Variants in SLC25A48 observed in about 807,000 individuals in gnomAD.
SLC25A48 encodes CTC-321K16.1.
Under a neutral mutation model 32.2 loss-of-function variants are expected in SLC25A48, and 29 were observed. That is an observed-to-expected ratio of 0.90 (90% CI 0.67 to 1.23). SLC25A48 has a LOEUF of 1.23. Among genes scored for constraint, SLC25A48 ranks in the 50% most tolerant of loss-of-function variants. SLC25A48 has a pLI of 0.00. For synonymous variants in SLC25A48, 164 were observed against 172.3 expected, an observed-to-expected ratio of 0.95 and a Z score of 0.38; for missense variants, 399 against 422.7, an observed-to-expected ratio of 0.94 and a Z score of 0.49.
At chr5:135,848,811 G>A (rs1019457674) in intron 2 of SLC25A48, among the ~76,000 whole-genome samples, 1 of 152,168 alleles carries the variant, frequency 6.6e-6, no homozygotes, top group Non-Finnish European at 1.5e-5. Flanking sequence ...TGAACAGGGT[G>A]ATACTATTTC....
At chr5:135,704,937 T>G (rs1259920004) in intron 3 of SLC25A48, among the ~76,000 whole-genome samples, 1 of 152,172 alleles carries the variant, frequency 6.6e-6, no homozygotes, top group African/African-American at 2.4e-5. Context: ...TGACTGCCAT[T>G]CAGGTGTTGG....
chr5:135,675,632 ATG>A, intron 3 of SLC25A48, among the ~76,000 whole-genome samples: 1 of 151,866 alleles, frequency 6.6e-6, no homozygotes, highest in Non-Finnish European at 1.5e-5. Flanking sequence ...AAGTCAGGTG[ATG>A]TGATGCCTCC....
chr5:135,657,747 A>G (rs770729629), intron 3 of SLC25A48, among the ~76,000 whole-genome samples: 1 of 152,218 alleles, frequency 6.6e-6, no homozygotes, highest in Admixed American at 6.5e-5. Flanking sequence ...TGCATTTGCC[A>G]TGAGCAGGTT....
At chr5:135,732,367 G>A (rs889578780) in intron 3 of SLC25A48, among the ~76,000 whole-genome samples, 4 of 152,160 alleles carry the variant, frequency 2.6e-5, no homozygotes, top group Admixed American at 1.3e-4. Context: ...AAATGACCAC[G>A]GTGGCCTTCT....
chr5:135,886,305 C>T (rs1762710731), intron 7 of SLC25A48, among the ~76,000 whole-genome samples: 1 of 132,150 alleles, frequency 7.6e-6, no homozygotes, highest in African/African-American at 2.8e-5. Flanking sequence ...CACACCCCCT[C>T]CCCCCGCCCT....
intron 3 of SLC25A48, among the ~76,000 whole-genome samples, chr5:135,774,422 G>T (rs929456571): frequency 8.6e-5 from 13 of 151,598 alleles, no homozygotes; most frequent in Admixed American, 5.3e-4. Context: ...TCCCAATATC[G>T]CAGAGGGTGT....
intron 2 of SLC25A48, among the ~76,000 whole-genome samples, chr5:135,849,315 G>T (rs778151617): frequency 1.1e-4 from 16 of 152,174 alleles, no homozygotes; most frequent in Non-Finnish European, 1.9e-4. Context: ...CTCTTTGGTG[G>T]TCTCATGGCT....
At chr5:135,613,714 A>G (rs994755891) in intron 1 of SLC25A48, among the ~76,000 whole-genome samples, 9 of 152,284 alleles carry the variant, frequency 5.9e-5, no homozygotes, top group African/African-American at 1.9e-4. Flanking sequence ...TCCCCAGTGT[A>G]TGCCCTTGGC....
At chr5:135,701,345 T>G (rs1447798638) in intron 3 of SLC25A48, among the ~76,000 whole-genome samples, 4 of 151,962 alleles carry the variant, frequency 2.6e-5, no homozygotes, top group African/African-American at 9.7e-5. Flanking sequence ...TCTTGGGAGT[T>G]TTTTTCTGAT....
At chr5:135,856,834 A>T (rs1160368199) in intron 4 of SLC25A48, among the ~76,000 whole-genome samples, 1 of 152,250 alleles carries the variant, frequency 6.6e-6, no homozygotes, top group Non-Finnish European at 1.5e-5. Context: ...CTGAGAACCC[A>T]GGCATCCAGG....
At chr5:135,749,611 G>A (rs1297921349) in intron 3 of SLC25A48, among the ~76,000 whole-genome samples, 5 of 151,842 alleles carry the variant, frequency 3.3e-5, no homozygotes, top group African/African-American at 9.7e-5. Flanking sequence ...GTGGGGGTGC[G>A]ATGGAGTTTC....
chr5:135,631,123 A>G (rs943178406), intron 2 of SLC25A48, among the ~76,000 whole-genome samples: 2 of 152,194 alleles, frequency 1.3e-5, no homozygotes, highest in African/African-American at 4.8e-5. Context: ...CTTTGGAGAA[A>G]TAGACAGTTT....
At chr5:135,808,422 TTGTTGA>T (rs1242753968) in intron 3 of SLC25A48, among the ~76,000 whole-genome samples, 1 of 152,132 alleles carries the variant, frequency 6.6e-6, no homozygotes, top group East Asian at 1.9e-4. Flanking sequence ...CACTTTATAC[TTGTTGA>T]TGTTACACAA....
chr5:135,791,361 A>T (rs879911579), intron 3 of SLC25A48, among the ~76,000 whole-genome samples: 1 of 151,398 alleles, frequency 6.6e-6, no homozygotes, highest in Admixed American at 6.6e-5. Context: ...ATATTCTAGG[A>T]TGATGTTACT....
intron 3 of SLC25A48, among the ~76,000 whole-genome samples, chr5:135,645,448 G>A (rs746434004): frequency 7.9e-5 from 12 of 152,198 alleles, no homozygotes; most frequent in Non-Finnish European, 1.3e-4. Context: ...CCTTGAGGAC[G>A]AAATGGGGAT....
In SLC25A48 at chr5:135,632,904, G is replaced by A. The variant is rs188116968; in HGVS notation, c.-708-1865G>A. ...CTCATGTGTCTCCTGCTTCAATAGC[G>A]TCTATTTTGAGCTGAGTTCTTTCTG... On this transcript the variant is annotated intron_variant, in intron 2 of 10. Transcript: ENST00000646290. Among the ~76,000 whole-genome samples, 330 of 152,234 alleles carry A rather than the reference G, an allele frequency of 2.2e-3. 1 individual carries two copies. The highest frequency in any genetic ancestry group is 7.6e-3 in the African/African-American group (315 of 41,526).
intron 3 of SLC25A48, among the ~76,000 whole-genome samples, chr5:135,777,301 AG>A (rs1756589505): frequency 6.6e-6 from 1 of 151,880 alleles, no homozygotes; most frequent in South Asian, 2.1e-4. Context: ...AATATCGTAA[AG>A]GGTTTACAGC....
intron 4 of SLC25A48, among the ~76,000 whole-genome samples, chr5:135,815,888 T>A (rs1757704697): frequency 6.6e-6 from 1 of 152,214 alleles, no homozygotes; most frequent in African/African-American, 2.4e-5. Flanking sequence ...CAAAAGTATC[T>A]GAAAAATCAT....
chr5:135,617,434 T>G (rs1752216396), intron 1 of SLC25A48, among the ~76,000 whole-genome samples: 1 of 151,978 alleles, frequency 6.6e-6, no homozygotes, highest in Admixed American at 6.6e-5. Flanking sequence ...TTCTTTGTAT[T>G]TTTTAGTCTC....
Sources: gnomAD v4.1 joint callset for allele counts (sites outside exome capture counted in the v4.1 genomes callset) on GRCh38, gnomAD v4.1.1 for gene constraint, MANE v1.5 for transcripts, NCBI Gene and HGNC (gene_info 2026-07-23, HGNC 2026-07-21) for gene names.